The following LYRM4 variants were observed in gnomAD, a reference collection of about 807,000 sequenced individuals.
LYRM4 encodes LYR motif-containing protein 4.
In LYRM4, 9 loss-of-function variants were observed where a neutral mutation model predicts 11.7. The observed-to-expected ratio is 0.77, with a 90% confidence interval of 0.46 to 1.34. The LOEUF (loss-of-function observed/expected upper bound fraction) is 1.34. Ranked by LOEUF, LYRM4 falls within the 40% of genes most tolerant of loss-of-function variation. The pLI is 0.00. For synonymous variants in LYRM4, 42 were observed against 40.4 expected, an observed-to-expected ratio of 1.04 and a Z score of -0.15; for missense variants, 133 against 112.5, an observed-to-expected ratio of 1.18 and a Z score of -0.82.
chr6:5,162,041 C>T (rs1395985253), intron 2 of LYRM4, among the ~76,000 whole-genome samples: 3 of 152,166 alleles, frequency 2.0e-5, no homozygotes, highest in African/African-American at 7.2e-5. Context: ...GTAAAAAGAA[C>T]TCCTCCCCAA....
chr6:5,249,038 C>T (rs542380686), intron 1 of LYRM4, among the ~76,000 whole-genome samples: 8 of 152,300 alleles, frequency 5.3e-5, no homozygotes, highest in Non-Finnish European at 7.4e-5. Flanking sequence ...GGCAAAGTGA[C>T]GGTTAGCTAT....
intron 2 of LYRM4, among the ~76,000 whole-genome samples, chr6:5,177,471 G>A (rs965980726): frequency 3.3e-5 from 5 of 152,334 alleles, no homozygotes; most frequent in Non-Finnish European, 5.9e-5. Context: ...CATTCAGTGA[G>A]ACACAAGCTC....
At chr6:5,188,664 T>C (rs757087483) in intron 2 of LYRM4, among the ~76,000 whole-genome samples, 1 of 152,238 alleles carries the variant, frequency 6.6e-6, no homozygotes, top group Non-Finnish European at 1.5e-5. Context: ...ACTTGTTTCC[T>C]CATCTTATAG....
intron 2 of LYRM4, among the ~76,000 whole-genome samples, chr6:5,123,047 G>C (rs183102518): frequency 6.6e-6 from 1 of 152,156 alleles, no homozygotes; most frequent in Non-Finnish European, 1.5e-5. Context: ...TGGGGTCATC[G>C]GTATACCAAC....
At chr6:5,210,575 T>C (rs2127716890) in intron 2 of LYRM4, among the ~76,000 whole-genome samples, 1 of 152,298 alleles carries the variant, frequency 6.6e-6, no homozygotes, top group South Asian at 2.1e-4. Context: ...AAGCGTTTAG[T>C]GCAGCAGTGT....
At chr6:5,100,415 C>A (rs1351610777), downstream of LYRM4, among the ~76,000 whole-genome samples, 3 of 152,208 alleles carry the variant, frequency 2.0e-5, no homozygotes, top group Non-Finnish European at 4.4e-5. Context: ...CCCCTGTCTA[C>A]ATGATGGATG....
At chr6:5,129,176 G>A (rs982196673) in intron 2 of LYRM4, among the ~76,000 whole-genome samples, 1 of 152,196 alleles carries the variant, frequency 6.6e-6, no homozygotes, top group Admixed American at 6.5e-5. Context: ...TGGGAATATG[G>A]GAAATAGTGG....
chr6:5,198,666 C>T (rs1191433248), intron 2 of LYRM4, among the ~76,000 whole-genome samples: 1 of 152,336 alleles, frequency 6.6e-6, no homozygotes, highest in South Asian at 2.1e-4. Context: ...CTTACAAGCA[C>T]TGTAAAGTCA....
chr6:5,249,520 C>T (rs369613147), intron 1 of LYRM4, among the ~76,000 whole-genome samples: 3 of 152,106 alleles, frequency 2.0e-5, no homozygotes, highest in African/African-American at 7.2e-5. Context: ...AACCTCAAAA[C>T]GTCTGAGTTA....
At chr6:5,132,653 C>G (rs1025856397) in intron 2 of LYRM4, 2 of 152,166 alleles carry the variant, frequency 1.3e-5, no homozygotes, top group South Asian at 2.1e-4. Flanking sequence ...AGGATATTAA[C>G]GAGTAATGCT....
chr6:5,034,175 G>A, the LYRM4 span: 1 of 152,324 alleles, frequency 6.6e-6, no homozygotes, highest in Non-Finnish European at 1.5e-5. Context: ...CCTTCAGCGT[G>A]AGTTGTAGTG....
chr6:5,215,853 G>T (rs188027237), intron 2 of LYRM4, among the ~76,000 whole-genome samples: 6 of 152,334 alleles, frequency 3.9e-5, no homozygotes, highest in Non-Finnish European at 8.8e-5. Flanking sequence ...AGCAGAAATG[G>T]AGTTTATTGC....
intron 2 of LYRM4, chr6:5,113,315 C>T (rs1294004552): frequency 2.2e-6 from 1 of 449,200 alleles, no homozygotes; most frequent in Non-Finnish European, 4.5e-6. Context: ...ATCCCAGCTA[C>T]TCAGGAGGCT....
chr6:5,159,477 T>G (rs1321556903), intron 2 of LYRM4, among the ~76,000 whole-genome samples: 1 of 152,210 alleles, frequency 6.6e-6, no homozygotes, highest in East Asian at 1.9e-4. Flanking sequence ...TTATTTTAAT[T>G]TATTCATTGT....
chr6:5,236,782 T>TAAA (rs567524087), intron 1 of LYRM4, among the ~76,000 whole-genome samples: 2 of 128,716 alleles, frequency 1.6e-5, no homozygotes, highest in African/African-American at 2.8e-5. Context: ...ACCCTGTCTC[T>TAAA]AAAAAAAAAA....
At chr6:5,094,124 G>A in the LYRM4 span, among the ~76,000 whole-genome samples, 1 of 152,206 alleles carries the variant, frequency 6.6e-6, no homozygotes, top group African/African-American at 2.4e-5. Context: ...ATGTGATTAT[G>A]TGGAATTTTA....
intron 2 of LYRM4, among the ~76,000 whole-genome samples, chr6:5,129,769 AAATGT>A (rs1763863298): frequency 6.6e-6 from 1 of 152,236 alleles, no homozygotes; most frequent in South Asian, 2.1e-4. Context: ...TTATTTTTAA[AAATGT>A]AATGTATCTT....
chr6:5,201,799 T>C (rs1322367239), intron 2 of LYRM4, among the ~76,000 whole-genome samples: 1 of 152,176 alleles, frequency 6.6e-6, no homozygotes, highest in Non-Finnish European at 1.5e-5. Flanking sequence ...AAAATTTTAA[T>C]AAAATTCATT....
chr6:5,250,660 T>C (rs933000613), intron 1 of LYRM4, among the ~76,000 whole-genome samples: 2 of 152,340 alleles, frequency 1.3e-5, no homozygotes, highest in African/African-American at 4.8e-5. Flanking sequence ...CAGGTAACAA[T>C]AGTTCTTTGT....
Sources: gnomAD v4.1 joint callset for allele counts (sites outside exome capture counted in the v4.1 genomes callset) on GRCh38, gnomAD v4.1.1 for gene constraint, MANE v1.5 for transcripts, NCBI Gene and HGNC (gene_info 2026-07-23, HGNC 2026-07-21) for gene names.